Variants in CFAP73 observed in about 807,000 individuals in gnomAD.
CFAP73 encodes the protein cilia- and flagella-associated protein 73.
Under a neutral mutation model 42.9 loss-of-function variants are expected in CFAP73, and 33 were observed. The observed-to-expected ratio is 0.77, with a 90% CI of 0.58 to 1.03. The LOEUF (loss-of-function observed/expected upper bound fraction) is 1.03. CFAP73 is among the 50% of genes least tolerant of loss of function. CFAP73 has a pLI of 0.00. For missense variants in CFAP73, 392 were observed against 411.9 expected, an observed-to-expected ratio of 0.95 and a Z score of 0.42; for synonymous variants, 162 against 186.8, an observed-to-expected ratio of 0.87 and a Z score of 1.08.
At chr12:113,156,572 C>T (rs1376380714) in intron 6 of CFAP73, among the ~76,000 whole-genome samples, 2 of 152,096 alleles carry the variant, frequency 1.3e-5, no homozygotes, top group Non-Finnish European at 2.9e-5. Context: ...AACCGATTCC[C>T]ATTCCTGTTC....
intron 4 of CFAP73, 76 bp downstream of exon 4, chr12:113,153,484 G>C: frequency 8.4e-7 from 1 of 1,184,578 alleles, no homozygotes; most frequent in Non-Finnish European, 1.1e-6. Context: ...CTTCGGACCG[G>C]CGAACTACTG....
In CFAP73 at chr12:113,157,597, C is replaced by T; in HGVS notation, c.850-5C>T. 1 of 1,551,626 alleles carries T rather than the reference C, an allele frequency of 6.4e-7. No homozygotes were observed. ...GGGATGTGACTTCGTGCTGGGCCCC[C>T]CCAGGTGAAGCTGTTCATGCAGGAC... On this transcript the variant is annotated splice_region_variant and splice_polypyrimidine_tract_variant and intron_variant, in intron 6 of 7. Coordinates refer to ENST00000335621, the MANE Select transcript of CFAP73 (RefSeq NM_001144872.3).
chr12:113,152,928 A>G, intron 3 of CFAP73, 41 bp downstream of exon 3: 1 of 1,372,672 alleles, frequency 7.3e-7, no homozygotes. Flanking sequence ...GCCTATGGGT[A>G]GCAGCCCACA....
At chr12:113,149,951 G>A in intron 1 of CFAP73, 38 bp downstream of exon 1, 2 of 1,542,758 alleles carry the variant, frequency 1.3e-6, no homozygotes, top group Non-Finnish European at 1.8e-6. Flanking sequence ...CTAGAAGGAG[G>A]GCGGGAATGC....
At chr12:113,157,941 A>G in intron 7 of CFAP73, 1 of 538,240 alleles carries the variant, frequency 1.9e-6, no homozygotes, top group South Asian at 2.4e-5. Flanking sequence ...CTAAAATGAG[A>G]TCAGACCAGG....
Position 113,158,088 on chromosome 12 carries a change from C to A in CFAP73, c.*11+398C>A. On this transcript the variant is annotated intron_variant, in intron 7 of 7. Transcript: ENST00000335621. The surrounding 1 kb of genome is among the most constrained non-coding windows in gnomAD (Gnocchi z 4.9). Reference sequence around the variant, plus strand: ...AGGTGAGGGGCCCAGCCTGAGAATCCAGCTGCTGGGGCTGCCCTTGACCTT... The same window carrying A: ...AGGTGAGGGGCCCAGCCTGAGAATCAAGCTGCTGGGGCTGCCCTTGACCTT... 1 of 191,114 alleles carries A rather than the reference C, an allele frequency of 5.2e-6. No individual in the cohort carries two copies. The highest frequency in any genetic ancestry group is 1.1e-5 in the Non-Finnish European group (1 of 91,256). 11.8% of individuals were successfully genotyped at this position (191,114 alleles called of 1,614,324 possible).
Position 113,153,281 on chromosome 12 carries a change from T to C in CFAP73, c.341T>C (p.Val114Ala), listed in dbSNP as rs1246927711. 6.6e-7 allele frequency: 1 copy of C among 1,518,550 alleles called. No homozygotes were observed. The highest frequency in any genetic ancestry group is 1.4e-5 in the African/African-American group (1 of 71,178). 94.1% of individuals were successfully genotyped at this position (1,518,550 alleles called of 1,614,324 possible). A position where few individuals can be genotyped will look rare whatever the true frequency, so the allele number is the denominator to read the frequency against. The change falls in exon 4 of 8, where the codon GTG becomes GCG. Residue 114 changes from valine (V) to alanine (A), a missense_variant. Coordinates refer to ENST00000335621, the MANE Select transcript of CFAP73 (RefSeq NM_001144872.3). ...EERHQAGRREVEALRLWTQLQ... is the reference protein window; with the variant it reads ...EERHQAGRREAEALRLWTQLQ... ...AGGCACCAGGCGGGCCGTCGGGAGG[T>C]GGAGGCGCTGCGTCTGTGGACCCAG...
rs766640614 is a variant in CFAP73, at chr12:113,152,788, C to T, written c.168C>T (p.Phe56=). The change falls in exon 3 of 8, where the codon TTC becomes TTT. Residue 56 remains phenylalanine, a synonymous_variant. Transcript: ENST00000335621. Reference sequence around the variant, plus strand: ...AACCCACTCCTCACCCCCAGGTGTTCCGCACCAAGACGGCAGCCCTGAAAC... The same window carrying T: ...AACCCACTCCTCACCCCCAGGTGTTTCGCACCAAGACGGCAGCCCTGAAAC... ...DQALQAQKEV[F]RTKTAALKQR... 4 of 1,551,442 alleles carry T rather than the reference C, an allele frequency of 2.6e-6. No homozygotes were observed. The highest frequency in any genetic ancestry group is 3.5e-6 in the Non-Finnish European group (4 of 1,146,784).
At chr12:113,151,414 G>A (rs1313849939) in intron 1 of CFAP73, among the ~76,000 whole-genome samples, 3 of 151,920 alleles carry the variant, frequency 2.0e-5, no homozygotes, top group African/African-American at 7.3e-5. Context: ...CCTGGAAGGC[G>A]GGAGGTTGCA....
chr12:113,155,001 C>T (rs1375401024), intron 5 of CFAP73, among the ~76,000 whole-genome samples: 1 of 152,162 alleles, frequency 6.6e-6, no homozygotes, highest in Non-Finnish European at 1.5e-5. Flanking sequence ...GAAACCCTGT[C>T]TCTACTAAAA....
At position 113,158,766 on chromosome 12, in the gene CFAP73, G is replaced by T; in HGVS notation, c.*77G>T. The stretch of plus-strand genomic sequence containing the variant: ...CTTTTCACAGATGATGGCTCCTGCA[G>T]GGAGTGCCCCCAGTGCCCAGCACAG... On this transcript the variant is annotated 3_prime_UTR_variant, in exon 8 of 8. Transcript: ENST00000335621. This position sits in a 1 kb window ranked among gnomAD's most constrained non-coding sequence, Gnocchi z 4.9. 8.3e-7 allele frequency: 1 copy of T among 1,211,914 alleles called. No homozygotes were observed. The highest frequency in any genetic ancestry group is 1.1e-6 in the Non-Finnish European group (1 of 880,700). The allele number at this position is 1,211,914 out of a possible 1,614,324, so 75.1% of individuals were successfully genotyped here.
chr12:113,157,953 C>T, intron 7 of CFAP73: 1 of 502,444 alleles, frequency 2.0e-6, no homozygotes, highest in South Asian at 2.9e-5. Flanking sequence ...CAGACCAGGC[C>T]CTCCCTGCCA....
At position 113,154,904 on chromosome 12, in the gene CFAP73, T is replaced by C. The variant is rs956494385; in HGVS notation, c.690+269T>C. The stretch of plus-strand genomic sequence containing the variant: ...TGGGAAGAATGCCGGGCGCGGTGGC[T>C]CATGCCTGTAATCCCAACACTTTGG... On this transcript the variant is annotated intron_variant, in intron 5 of 7. Transcript: ENST00000335621. The surrounding 1 kb of genome is among the most constrained non-coding windows in gnomAD (Gnocchi z 4.7). Among the ~76,000 whole-genome samples, 2 of 152,162 alleles carry C rather than the reference T, an allele frequency of 1.3e-5. No individual in the cohort carries two copies. The highest frequency in any genetic ancestry group is 6.5e-5 in the Admixed American group (1 of 15,280).
At position 113,152,667 on chromosome 12, in the gene CFAP73, A is replaced by G. The variant is rs1952074086; in HGVS notation, c.163-116A>G. ...GGTGATGGGAGCCCCGGATGGGTTG[A>G]GCAGGGAGCAGCCACAGATCAGGGA... On this transcript the variant is annotated intron_variant, in intron 2 of 7. Coordinates refer to ENST00000335621, the MANE Select transcript of CFAP73 (RefSeq NM_001144872.3). The G allele has an allele frequency of 3.5e-5, 25 of 713,618 alleles. No homozygotes were observed. The South Asian group carries it at 4.3e-4, about 12-fold the overall frequency. 44.2% of individuals were successfully genotyped at this position (713,618 alleles called of 1,614,324 possible).
Position 113,157,651 on chromosome 12 carries a change from A to G in CFAP73, c.899A>G (p.Gln300Arg). The G allele has an allele frequency of 6.4e-7, 1 of 1,551,660 alleles. No homozygotes were observed. The highest frequency in any genetic ancestry group is 8.7e-7 in the Non-Finnish European group (1 of 1,147,004). Residue 300 changes from glutamine (Q) to arginine (R), a missense_variant, in exon 7 of 8, where the codon CAG (glutamine) becomes CGG (arginine). Coordinates refer to ENST00000335621, the MANE Select transcript of CFAP73 (RefSeq NM_001144872.3). ...DLSAMLAGLG[Q>R]AEPAAPAS ...TCTGCCATGCTGGCCGGCCTGGGTC[A>G]GGCTGAGCCTGCAGCCCCTGCCTCC...
At chr12:113,151,027 T>A (rs1202196703) in intron 1 of CFAP73, among the ~76,000 whole-genome samples, 1 of 146,928 alleles carries the variant, frequency 6.8e-6, no homozygotes, top group Non-Finnish European at 1.5e-5. Flanking sequence ...TTCTTTATTA[T>A]TATTATTATT....
At chr12:113,149,943 A>G in intron 1 of CFAP73, 30 bp downstream of exon 1, 8 of 1,544,954 alleles carry the variant, frequency 5.2e-6, no homozygotes, top group Non-Finnish European at 7.0e-6. Context: ...AGGGAGGGCT[A>G]GAAGGAGGGC....
rs529983624 is a variant in CFAP73, at chr12:113,155,123, T to A, written c.691-137T>A. 8 of 704,782 alleles carry A rather than the reference T, an allele frequency of 1.1e-5. No individual in the cohort carries two copies. The South Asian group carries it at 1.7e-4, about 15-fold the overall frequency. 43.7% of individuals were successfully genotyped at this position (704,782 alleles called of 1,614,324 possible). A position where few individuals can be genotyped will look rare whatever the true frequency, so the allele number is the denominator to read the frequency against. On this transcript the variant is annotated intron_variant, in intron 5 of 7. Coordinates refer to ENST00000335621, the MANE Select transcript of CFAP73 (RefSeq NM_001144872.3). ...AGCCGGCGGTTGCAGTGAGCTGAGA[T>A]CAGGCCACTGCACTCCAGCCTGGGC... is the stretch of plus-strand genomic sequence containing the variant.
At chr12:113,150,674 T>G (rs1027332589) in intron 1 of CFAP73, among the ~76,000 whole-genome samples, 3 of 152,138 alleles carry the variant, frequency 2.0e-5, no homozygotes, top group African/African-American at 7.2e-5. Flanking sequence ...AGCTGCCCAC[T>G]GTCCTTGCTC....
Sources: allele counts gnomAD v4.1 joint callset (sites outside exome capture counted in the v4.1 genomes callset), GRCh38; gene constraint gnomAD v4.1.1; non-coding constraint Gnocchi (gnomAD v3.1); transcripts MANE v1.5; gene names NCBI Gene and HGNC (gene_info 2026-07-23, HGNC 2026-07-21).